Variants in RAMP1 observed in about 807,000 individuals in gnomAD.
RAMP1 encodes receptor activity-modifying protein 1.
Under a neutral mutation model 8.2 loss-of-function variants are expected in RAMP1, and 7 were observed. That is an observed-to-expected ratio of 0.85 (90% CI 0.49 to 1.60). The LOEUF (loss-of-function observed/expected upper bound fraction) is 1.60, where lower values mean the gene tolerates loss of function less well. Among genes scored for constraint, RAMP1 ranks in the 40% most tolerant of loss-of-function variants. RAMP1 has a pLI of 0.00. For missense variants in RAMP1, 192 were observed against 202.4 expected, an observed-to-expected ratio of 0.95 and a Z score of 0.31; for synonymous variants, 92 against 84.7, an observed-to-expected ratio of 1.09 and a Z score of -0.47.
chr2:237,900,184 G>A (rs930893978), intron 2 of RAMP1, among the ~76,000 whole-genome samples: 4 of 152,132 alleles, frequency 2.6e-5, no homozygotes, highest in Non-Finnish European at 5.9e-5. Context: ...GTTTAGGACA[G>A]TGTCTGGCTC....
Position 237,911,967 on chromosome 2 carries a change from GGC to G in RAMP1, c.*185_*186del. 1 of 1,044,792 alleles carries G rather than the reference GGC, an allele frequency of 9.6e-7. No homozygotes were observed. Among genetic ancestry groups the G allele is most frequent in the Non-Finnish European group, 1.3e-6 (1 of 744,948 alleles). 64.7% of individuals were successfully genotyped at this position (1,044,792 alleles called of 1,614,324 possible). On this transcript the variant is annotated 3_prime_UTR_variant, in exon 3 of 3. Transcript: ENST00000254661. ...CTGGTATTAACCTGGAAGCCCCCCT[GGC>G]TGGAGGCCACCGCCACCCTAGGAAG...
chr2:237,894,921 T>C (rs1342528121), intron 2 of RAMP1, among the ~76,000 whole-genome samples: 1 of 152,166 alleles, frequency 6.6e-6, no homozygotes, highest in African/African-American at 2.4e-5. Context: ...TATCTGGTTG[T>C]GGTTCTCCTT....
At chr2:237,893,970 CTT>C (rs71039788) in intron 2 of RAMP1, among the ~76,000 whole-genome samples, 4 of 104,174 alleles carry the variant, frequency 3.8e-5, no homozygotes, top group Admixed American at 1.2e-4. Flanking sequence ...AAAATACTTT[CTT>C]TTTTTTTTTT....
chr2:237,880,253 G>A (rs577375730), intron 2 of RAMP1, among the ~76,000 whole-genome samples: 9 of 152,264 alleles, frequency 5.9e-5, no homozygotes, highest in South Asian at 2.1e-4. Flanking sequence ...CCCGGGGCCC[G>A]GTGCTATCAC....
At position 237,862,502 on chromosome 2, in the gene RAMP1, T is replaced by C. The variant is rs2062142151; in HGVS notation, c.52+2775T>C. On this transcript the variant is annotated intron_variant, in intron 1 of 2. Transcript: ENST00000254661. This position sits in a 1 kb window ranked among gnomAD's most constrained non-coding sequence, Gnocchi z 4.0. ...CGGGAAATGTTTTAGGTGGAATCTT[T>C]AGTTAAGGCTAGTTGGAAAAGTCTG... Among the ~76,000 whole-genome samples the C allele has an allele frequency of 1.3e-5, 2 of 152,228 alleles. No homozygotes were observed. Among genetic ancestry groups the C allele is most frequent in the African/African-American group, 4.8e-5 (2 of 41,462 alleles).
chr2:237,891,959 C>T (rs975323377), intron 2 of RAMP1, among the ~76,000 whole-genome samples: 3 of 152,216 alleles, frequency 2.0e-5, no homozygotes, highest in African/African-American at 7.2e-5. Context: ...CTCCTTATCA[C>T]ATGTAATCAT....
At chr2:237,893,838 T>C (rs1254515869) in intron 2 of RAMP1, among the ~76,000 whole-genome samples, 1 of 151,974 alleles carries the variant, frequency 6.6e-6, no homozygotes, top group East Asian at 1.9e-4. Flanking sequence ...ACTCGGAGGC[T>C]GAGGAAAGAG....
At chr2:237,909,080 G>A (rs1244386409) in intron 2 of RAMP1, among the ~76,000 whole-genome samples, 2 of 152,168 alleles carry the variant, frequency 1.3e-5, no homozygotes, top group African/African-American at 4.8e-5. Context: ...GCCCCCATGG[G>A]GCAAGGGCTC....
intron 1 of RAMP1, among the ~76,000 whole-genome samples, chr2:237,873,082 G>A (rs190760217): frequency 1.0e-3 from 153 of 152,368 alleles, no homozygotes; most frequent in African/African-American, 3.5e-3. Flanking sequence ...GACTTGGCCT[G>A]TGAGCTGCAG....
intron 2 of RAMP1, among the ~76,000 whole-genome samples, chr2:237,880,602 G>A (rs1459726205): frequency 3.3e-5 from 5 of 152,166 alleles, no homozygotes; most frequent in Admixed American, 2.0e-4. Flanking sequence ...CCATGGTATC[G>A]AGAAAGGCTG....
chr2:237,883,021 GT>G (rs1397445320), intron 2 of RAMP1, among the ~76,000 whole-genome samples: 1 of 152,076 alleles, frequency 6.6e-6, no homozygotes, highest in Non-Finnish European at 1.5e-5. Flanking sequence ...GGAAAGGCCC[GT>G]CTCTGAGCCA....
At chr2:237,896,744 C>T (rs1215965767) in intron 2 of RAMP1, among the ~76,000 whole-genome samples, 1 of 152,212 alleles carries the variant, frequency 6.6e-6, no homozygotes, top group African/African-American at 2.4e-5. Context: ...TTCCTGGACT[C>T]AAGCAACCCT....
rs1169246005 is a variant in RAMP1 at position 237,865,155 on chromosome 2, G to A, written c.52+5428G>A. Among the ~76,000 whole-genome samples, 1 of 151,976 alleles carries A rather than the reference G, an allele frequency of 6.6e-6. No homozygotes were observed. Among genetic ancestry groups the A allele is most frequent in the Non-Finnish European group, 1.5e-5 (1 of 67,980 alleles). On this transcript the variant is annotated intron_variant, in intron 1 of 2. Coordinates refer to ENST00000254661, the MANE Select transcript of RAMP1 (RefSeq NM_005855.4). This position sits in a 1 kb window ranked among gnomAD's most constrained non-coding sequence, Gnocchi z 4.2. Reference sequence around the variant, plus strand: ...AGGGAGTCCTGGAGGCGAAAGTGATGGACTCCAGTCCCTGGGCCTGGATGC... The same window carrying A: ...AGGGAGTCCTGGAGGCGAAAGTGATAGACTCCAGTCCCTGGGCCTGGATGC...
intron 1 of RAMP1, among the ~76,000 whole-genome samples, chr2:237,874,963 T>A (rs1576538417): frequency 6.6e-6 from 1 of 152,150 alleles, no homozygotes; most frequent in South Asian, 2.1e-4. Context: ...CAGGTGGGAC[T>A]GGGACCCAGG....
rs1435109377 is a variant in RAMP1, at chr2:237,862,577, T to G, written c.52+2850T>G. 6.6e-6 allele frequency among the ~76,000 whole-genome samples: 1 copy of G among 152,240 alleles called. No individual in the cohort carries two copies. The highest frequency in any genetic ancestry group is 1.5e-5 in the Non-Finnish European group (1 of 68,048). On this transcript the variant is annotated intron_variant, in intron 1 of 2. Transcript: ENST00000254661. This position sits in a 1 kb window ranked among gnomAD's most constrained non-coding sequence, Gnocchi z 4.0. ...GCCCATTTCATAGCTTCTAATCAGT[T>G]ACAACTGGCGTCTGGCTGACTGTGT...
chr2:237,860,212 G>A (rs1220453087), intron 1 of RAMP1, among the ~76,000 whole-genome samples: 1 of 152,224 alleles, frequency 6.6e-6, no homozygotes, highest in African/African-American at 2.4e-5. Context: ...CAGCCGGTTT[G>A]TATGGAAATT....
intron 2 of RAMP1, among the ~76,000 whole-genome samples, chr2:237,900,663 C>T (rs1037326383): frequency 7.9e-5 from 12 of 151,830 alleles, no homozygotes; most frequent in African/African-American, 1.5e-4. Context: ...ATAGTATTGC[C>T]GATCTTGTTC....
rs1019397927 is a variant in RAMP1, at chr2:237,909,931, G to A, written c.192-1597G>A. Among the ~76,000 whole-genome samples, 15 of 152,064 alleles carry A rather than the reference G, an allele frequency of 9.9e-5. 1 individual carries two copies. The highest frequency in any genetic ancestry group is 2.1e-4 in the South Asian group (1 of 4,828). ...ATTCCTGGAGCAGAGGGGACTCCGC[G>A]ATGGCTTCTCTCCAAGCCAAGCCCA... is the stretch of plus-strand genomic sequence containing the variant. On this transcript the variant is annotated intron_variant, in intron 2 of 2. Coordinates refer to ENST00000254661, the MANE Select transcript of RAMP1 (RefSeq NM_005855.4).
chr2:237,907,357 A>T (rs1299596259), intron 2 of RAMP1, among the ~76,000 whole-genome samples: 1 of 151,910 alleles, frequency 6.6e-6, no homozygotes, highest in Non-Finnish European at 1.5e-5. Context: ...GTCTTTCATT[A>T]TTTTTTTAAA....
Sources: allele counts gnomAD v4.1 joint callset (sites outside exome capture counted in the v4.1 genomes callset), GRCh38; gene constraint gnomAD v4.1.1; non-coding constraint Gnocchi (gnomAD v3.1); transcripts MANE v1.5; gene names NCBI Gene and HGNC (gene_info 2026-07-23, HGNC 2026-07-21).